The following SMARCC1 variants were observed in gnomAD, a reference collection of about 807,000 sequenced individuals.
The protein encoded by SMARCC1 is SWI/SNF complex subunit SMARCC1.
SMARCC1 carries 43 observed loss-of-function variants against 147.4 expected under a neutral mutation model. The ratio of observed to expected loss-of-function variants is 0.29; its 90% CI spans 0.23 to 0.38. The LOEUF (loss-of-function observed/expected upper bound fraction) is 0.38. Among genes scored for constraint, SMARCC1 ranks in the 10% least tolerant of loss-of-function variants. The probability of loss-of-function intolerance (pLI) is 1.00; values close to 1 mark genes in which losing one functional copy is unlikely to be tolerated. For synonymous variants in SMARCC1, 495 were observed against 484.4 expected (o/e 1.02, Z -0.29); for missense variants, 1,119 against 1,381.1 (o/e 0.81, Z 3.01).
At chr3:47,699,335 T>C (rs2033890376) in intron 11 of SMARCC1, among the ~76,000 whole-genome samples, 1 of 152,172 alleles carries the variant, frequency 6.6e-6, no homozygotes, top group Non-Finnish European at 1.5e-5. Context: ...TTATTATTTT[T>C]TTATCCTTTA....
At chr3:47,639,430 G>A (rs1369678879) in intron 21 of SMARCC1, among the ~76,000 whole-genome samples, 1 of 151,984 alleles carries the variant, frequency 6.6e-6, no homozygotes, top group Non-Finnish European at 1.5e-5. Flanking sequence ...AACTGTGTAA[G>A]CAGCCAGGCA....
intron 11 of SMARCC1, among the ~76,000 whole-genome samples, chr3:47,694,710 T>G (rs1267276371): frequency 6.6e-6 from 1 of 152,224 alleles, no homozygotes; most frequent in Non-Finnish European, 1.5e-5. Flanking sequence ...TTTCACACTT[T>G]TCCATCTACC....
intron 26 of SMARCC1, among the ~76,000 whole-genome samples, chr3:47,597,051 C>T (rs1215978081): frequency 4.0e-5 from 6 of 151,366 alleles, no homozygotes; most frequent in African/African-American, 1.5e-4. Context: ...GTGGCACGCA[C>T]CTGTAATCCC....
At chr3:47,697,759 G>A (rs999418770) in intron 11 of SMARCC1, among the ~76,000 whole-genome samples, 26 of 151,742 alleles carry the variant, frequency 1.7e-4, no homozygotes, top group Admixed American at 7.9e-4. Context: ...TGTAATCCCA[G>A]CACTTTGGGA....
At chr3:47,596,211 AAAG>A (rs1332546766) in intron 26 of SMARCC1, among the ~76,000 whole-genome samples, 2 of 152,192 alleles carry the variant, frequency 1.3e-5, no homozygotes, top group Non-Finnish European at 2.9e-5. Context: ...AAGGTTCTGA[AAAG>A]AAGAGAAGCT....
At chr3:47,772,000 T>A (rs979848616) in intron 2 of SMARCC1, among the ~76,000 whole-genome samples, 14 of 151,356 alleles carry the variant, frequency 9.2e-5, no homozygotes, top group Non-Finnish European at 2.1e-4. Flanking sequence ...CAAGAATCGC[T>A]GCAGGTTGCA....
At chr3:47,690,959 G>T (rs909071918) in intron 12 of SMARCC1, among the ~76,000 whole-genome samples, 3 of 152,190 alleles carry the variant, frequency 2.0e-5, no homozygotes, top group Non-Finnish European at 4.4e-5. Flanking sequence ...CACTTGGTCC[G>T]TTGGACAATG....
intron 2 of SMARCC1, among the ~76,000 whole-genome samples, chr3:47,759,762 T>C (rs1221436390): frequency 6.9e-6 from 1 of 144,440 alleles, no homozygotes; most frequent in East Asian, 2.1e-4. Context: ...TGGTGAAACC[T>C]CATCTCTACT....
chr3:47,684,239 CAA>C (rs759227252), intron 14 of SMARCC1, among the ~76,000 whole-genome samples: 10 of 49,534 alleles, frequency 2.0e-4, no homozygotes, highest in African/African-American at 2.1e-4. Context: ...GACTCCGTCT[CAA>C]AAAAAAAAAA....
intron 6 of SMARCC1, among the ~76,000 whole-genome samples, chr3:47,724,686 G>A (rs900723296): frequency 1.3e-5 from 2 of 152,184 alleles, no homozygotes; most frequent in African/African-American, 4.8e-5. Context: ...GGACATCCCT[G>A]TGCTAGGGGA....
chr3:47,763,590 C>T (rs536951505), intron 2 of SMARCC1, among the ~76,000 whole-genome samples: 1 of 151,842 alleles, frequency 6.6e-6, no homozygotes, highest in African/African-American at 2.4e-5. Flanking sequence ...ACCTAGGCCT[C>T]CCAAAGTGTT....
At chr3:47,767,878 CTTTTTTT>C (rs60907462) in intron 2 of SMARCC1, among the ~76,000 whole-genome samples, 5 of 145,392 alleles carry the variant, frequency 3.4e-5, no homozygotes, top group Non-Finnish European at 6.1e-5. Flanking sequence ...ACAGTGAACT[CTTTTTTT>C]TTTTTTAAGA....
rs993431400 is a variant in SMARCC1 at position 47,587,741 on chromosome 3, C to T, written c.*468G>A. 1 of 155,594 alleles carries T rather than the reference C, an allele frequency of 6.4e-6. No homozygotes were observed. The highest frequency in any genetic ancestry group is 1.4e-5 in the Non-Finnish European group (1 of 70,066). 9.6% of individuals were successfully genotyped at this position (155,594 alleles called of 1,614,324 possible). ...CCCTGTGGCTATTCCCCCCCTTCTG[C>T]CCATCATTATTTTTTGGTTCCTATT... On this transcript the variant is annotated 3_prime_UTR_variant, in exon 28 of 28. Transcript: ENST00000254480.
At chr3:47,604,696 G>GTTTTTTTTT (rs1559623721) in intron 26 of SMARCC1, 5 of 28,046 alleles carry the variant, frequency 1.8e-4, no homozygotes, top group Non-Finnish European at 5.8e-4. Flanking sequence ...ATTTACTGTT[G>GTTTTTTTTT]TTCTTTTTTT....
chr3:47,628,257 T>C (rs2032840796), intron 24 of SMARCC1, among the ~76,000 whole-genome samples: 1 of 152,194 alleles, frequency 6.6e-6, no homozygotes, highest in East Asian at 1.9e-4. Flanking sequence ...TGCCTTTGCT[T>C]TTGTTTTCTG....
chr3:47,717,086 A>C (rs968018302), intron 7 of SMARCC1, among the ~76,000 whole-genome samples: 3 of 152,242 alleles, frequency 2.0e-5, no homozygotes, highest in Non-Finnish European at 2.9e-5. Context: ...AAAATGTTGA[A>C]TGAATCTAAA....
At chr3:47,722,048 G>A (rs2034238745) in intron 6 of SMARCC1, among the ~76,000 whole-genome samples, 1 of 151,802 alleles carries the variant, frequency 6.6e-6, no homozygotes, top group Admixed American at 6.6e-5. Context: ...GACAGAATCA[G>A]GCCCTGTTCC....
Position 47,756,533 on chromosome 3 carries a change from C to CAA in SMARCC1, c.316-10542_316-10541dup, listed in dbSNP as rs11353915. Reference sequence around the variant, plus strand: ...GGGCAACAAGAGCGAAACTCCGTCTCAAAAAAAAAAAAAAAAAAAAAAGGC... The same window carrying CAA: ...GGGCAACAAGAGCGAAACTCCGTCTCAAAAAAAAAAAAAAAAAAAAAAAAGGC... On this transcript the variant is annotated intron_variant, in intron 2 of 27. Coordinates refer to ENST00000254480, the MANE Select transcript of SMARCC1 (RefSeq NM_003074.4). 5.5e-3 allele frequency among the ~76,000 whole-genome samples: 453 copies of CAA among 82,756 alleles called. 4 individuals carry two copies. The highest frequency in any genetic ancestry group is 0.015 in the African/African-American group (324 of 21,072). 54.3% of individuals were successfully genotyped at this position (82,756 alleles called of 152,430 possible).
chr3:47,774,123 T>C (rs1357050659), intron 1 of SMARCC1, among the ~76,000 whole-genome samples: 1 of 152,004 alleles, frequency 6.6e-6, no homozygotes, highest in Non-Finnish European at 1.5e-5. Context: ...TGGTGTATGG[T>C]CAAAATTACA....
Sources: allele counts gnomAD v4.1 joint callset (sites outside exome capture counted in the v4.1 genomes callset), GRCh38; gene constraint gnomAD v4.1.1; transcripts MANE v1.5; gene names NCBI Gene and HGNC (gene_info 2026-07-23, HGNC 2026-07-21).